PRKCA: variants seen among roughly 807,000 people sequenced by gnomAD.
PRKCA encodes the protein protein kinase C alpha.
PRKCA carries 27 observed loss-of-function variants against 87.0 expected under a neutral mutation model. That is an observed-to-expected ratio of 0.31 (90% CI 0.23 to 0.43). The LOEUF (loss-of-function observed/expected upper bound fraction) is 0.43, where lower values mean the gene tolerates loss of function less well. PRKCA is among the 20% of genes least tolerant of loss of function. The probability of loss-of-function intolerance (pLI) is 1.00; values close to 1 mark genes in which losing one functional copy is unlikely to be tolerated. For missense variants in PRKCA, 518 were observed against 852.3 expected, an observed-to-expected ratio of 0.61 and a Z score of 4.88; for synonymous variants, 329 against 311.1, an observed-to-expected ratio of 1.06 and a Z score of -0.61.
At chr17:66,650,688 C>G (rs1971569661) in intron 5 of PRKCA, among the ~76,000 whole-genome samples, 1 of 152,080 alleles carries the variant, frequency 6.6e-6, no homozygotes, top group South Asian at 2.1e-4. Context: ...ACTCCTCCTG[C>G]CTACCTAGGG....
chr17:66,415,303 T>C (rs968463046), intron 2 of PRKCA: 2 of 152,214 alleles, frequency 1.3e-5, no homozygotes, highest in Non-Finnish European at 2.9e-5. Flanking sequence ...CTTTGGACTT[T>C]TTCCCTCAGT....
intron 2 of PRKCA, among the ~76,000 whole-genome samples, chr17:66,330,631 T>C (rs1906271655): frequency 2.6e-5 from 4 of 152,182 alleles, no homozygotes; most frequent in Admixed American, 2.0e-4. Context: ...GCTAAAATAT[T>C]CCATTAGACT....
intron 3 of PRKCA, among the ~76,000 whole-genome samples, chr17:66,583,069 G>A (rs1457460669): frequency 6.6e-6 from 1 of 152,202 alleles, no homozygotes; most frequent in African/African-American, 2.4e-5. Context: ...AGGATTAGGT[G>A]AATTAGTATG....
At chr17:66,711,048 T>C (rs553496311) in intron 8 of PRKCA, among the ~76,000 whole-genome samples, 31 of 150,938 alleles carry the variant, frequency 2.1e-4, no homozygotes, top group Non-Finnish European at 4.4e-4. Context: ...ATCTCAAAAA[T>C]AAATAAATAA....
chr17:66,316,143 G>A (rs1905304930), intron 2 of PRKCA, among the ~76,000 whole-genome samples: 1 of 152,182 alleles, frequency 6.6e-6, no homozygotes, highest in South Asian at 2.1e-4. Flanking sequence ...GGATGAGAGT[G>A]ACTCACGTTC....
At chr17:66,426,927 C>T (rs1324403980) in intron 2 of PRKCA, among the ~76,000 whole-genome samples, 1 of 152,114 alleles carries the variant, frequency 6.6e-6, no homozygotes, top group African/African-American at 2.4e-5. Context: ...ATTAATTAAC[C>T]CTGGGGTTTT....
chr17:66,577,496 C>T (rs918044072), intron 3 of PRKCA, among the ~76,000 whole-genome samples: 1 of 152,104 alleles, frequency 6.6e-6, no homozygotes, highest in Non-Finnish European at 1.5e-5. Context: ...ACCCTGACTT[C>T]TGGCTCTCCT....
chr17:66,777,697 AAAAC>A (rs1975091477), intron 14 of PRKCA: 1 of 985,262 alleles, frequency 1.0e-6, no homozygotes, highest in African/African-American at 1.7e-5. Context: ...TTGAGTCTGG[AAAAC>A]AAACCCTGCT....
At chr17:66,796,563 G>T (rs116161591) in intron 16 of PRKCA, 2 of 985,118 alleles carry the variant, frequency 2.0e-6, no homozygotes, top group Non-Finnish European at 2.4e-6. Flanking sequence ...ACCCTTAACC[G>T]TGTGCCCCTG....
chr17:66,305,275 G>C (rs1598578079), intron 1 of PRKCA, among the ~76,000 whole-genome samples: 1 of 152,154 alleles, frequency 6.6e-6, no homozygotes, highest in South Asian at 2.1e-4. Flanking sequence ...ATGGTTTTTA[G>C]TAGGGGGGAT....
intron 3 of PRKCA, among the ~76,000 whole-genome samples, chr17:66,503,461 G>C (rs1264049885): frequency 6.6e-6 from 1 of 152,148 alleles, no homozygotes; most frequent in African/African-American, 2.4e-5. Context: ...AGATAGGGAG[G>C]CTTGCTTCAG....
At chr17:66,665,298 G>A (rs960783095) in intron 5 of PRKCA, among the ~76,000 whole-genome samples, 3 of 152,156 alleles carry the variant, frequency 2.0e-5, no homozygotes, top group Admixed American at 6.5e-5. Context: ...GTGACAAGGT[G>A]GAGCTAGAAC....
chr17:66,376,412 G>A (rs1328348755), intron 2 of PRKCA, among the ~76,000 whole-genome samples: 3 of 152,062 alleles, frequency 2.0e-5, no homozygotes, highest in Non-Finnish European at 2.9e-5. Context: ...GTTCAAGACC[G>A]GGCTGGCCAA....
At chr17:66,799,830 C>T (rs1975859445) in intron 16 of PRKCA, among the ~76,000 whole-genome samples, 1 of 152,014 alleles carries the variant, frequency 6.6e-6, no homozygotes, top group South Asian at 2.1e-4. Context: ...ATTTATAATG[C>T]ATTGGCAGAC....
intron 3 of PRKCA, among the ~76,000 whole-genome samples, chr17:66,635,978 G>A (rs1971142125): frequency 6.6e-6 from 1 of 152,056 alleles, no homozygotes; most frequent in African/African-American, 2.4e-5. Context: ...AAGAATTAAA[G>A]AGATGATCTA....
At chr17:66,779,511 C>T (rs188326590) in intron 14 of PRKCA, among the ~76,000 whole-genome samples, 40 of 152,206 alleles carry the variant, frequency 2.6e-4, no homozygotes, top group African/African-American at 8.7e-4. Context: ...TCAGTAATCG[C>T]CACTTCATCT....
At chr17:66,393,903 A>G (rs946708794) in intron 2 of PRKCA, among the ~76,000 whole-genome samples, 2 of 152,066 alleles carry the variant, frequency 1.3e-5, no homozygotes, top group South Asian at 4.1e-4. Context: ...GTGAAAGCCC[A>G]TCTCTACTAA....
At chr17:66,473,874 C>T (rs745352948) in intron 2 of PRKCA, among the ~76,000 whole-genome samples, 6 of 151,938 alleles carry the variant, frequency 3.9e-5, no homozygotes, top group African/African-American at 9.7e-5. Context: ...GCAGAGGTTG[C>T]GGTGAGCCGA....
Position 66,687,191 on chromosome 17 carries a change from C to G in PRKCA, c.610C>G (p.Pro204Ala). 2 of 1,613,954 alleles carry G rather than the reference C, an allele frequency of 1.2e-6. No individual in the cohort carries two copies. Among genetic ancestry groups the G allele is most frequent in the Non-Finnish European group, 1.7e-6 (2 of 1,179,834 alleles). The change falls in exon 6 of 17, where the codon CCC becomes GCC. Residue 204 changes from proline (P) to alanine (A), a missense_variant. Transcript: ENST00000413366. ...PYVKLKLIPD[P>A]KNESKQKTKT... ...TGTGAAGCTGAAACTTATTCCTGAT[C>G]CCAAGAATGAAAGCAAGCAAAAAAC... is the stretch of plus-strand genomic sequence containing the variant.
Sources: allele counts gnomAD v4.1 joint callset (sites outside exome capture counted in the v4.1 genomes callset), GRCh38; gene constraint gnomAD v4.1.1; transcripts MANE v1.5; gene names NCBI Gene and HGNC (gene_info 2026-07-23, HGNC 2026-07-21).